Variants in FAM222B observed in about 807,000 individuals in gnomAD.
FAM222B encodes protein FAM222B.
A neutral mutation model predicts 38.0 loss-of-function variants in FAM222B; 12 were observed. That is an observed-to-expected ratio of 0.32 (90% confidence interval 0.20 to 0.51). The LOEUF is 0.51. Among genes scored for constraint, FAM222B ranks in the 20% least tolerant of loss-of-function variants. FAM222B has a pLI of 0.97. For synonymous variants in FAM222B, 329 were observed against 317.2 expected (o/e 1.04, Z -0.40); for missense variants, 716 against 754.2 (o/e 0.95, Z 0.59).
chr17:28,778,274 T>C (rs1272077174), intron 1 of FAM222B, among the ~76,000 whole-genome samples: 1 of 151,830 alleles, frequency 6.6e-6, no homozygotes, highest in East Asian at 1.9e-4. Flanking sequence ...CGACAGGTCC[T>C]GGTATATGAT....
intron 1 of FAM222B, among the ~76,000 whole-genome samples, chr17:28,812,662 A>G (rs967843800): frequency 3.3e-5 from 5 of 151,420 alleles, no homozygotes; most frequent in East Asian, 2.0e-4. Context: ...CGCTGCCCCC[A>G]TCTCTCCCGG....
intron 1 of FAM222B, among the ~76,000 whole-genome samples, chr17:28,850,803 C>A (rs528637576): frequency 1.3e-5 from 2 of 152,180 alleles, no homozygotes; most frequent in South Asian, 4.1e-4. Context: ...TGAACAGGTT[C>A]TTTCTATAAA....
intron 1 of FAM222B, among the ~76,000 whole-genome samples, chr17:28,789,773 T>TATA (rs2036583078): frequency 6.6e-6 from 1 of 152,228 alleles, no homozygotes; most frequent in South Asian, 2.1e-4. Context: ...ATGAGTCTAA[T>TATA]ATATCTTATT....
chr17:28,824,205 G>A (rs1298133068), intron 1 of FAM222B, among the ~76,000 whole-genome samples: 4 of 144,838 alleles, frequency 2.8e-5, no homozygotes, highest in Non-Finnish European at 6.0e-5. Flanking sequence ...TTTAATTTTA[G>A]ACAAGTTATC....
chr17:28,758,258 C>T lies in FAM222B; in HGVS notation c.*12G>A. 2.6e-6 allele frequency: 4 copies of T among 1,548,128 alleles called. No individual in the cohort carries two copies. The highest frequency in any genetic ancestry group is 1.8e-4 in the Middle Eastern group (1 of 5,698). On this transcript the variant is annotated 3_prime_UTR_variant, in exon 3 of 3. Coordinates refer to ENST00000581407, the MANE Select transcript of FAM222B (RefSeq NM_001077498.3). Reference sequence around the variant, plus strand: ...TGTATGATGTGTTGCACGTGGAGGGCAGCAGGGCTACCTATCTATACCCTG... The same window carrying T: ...TGTATGATGTGTTGCACGTGGAGGGTAGCAGGGCTACCTATCTATACCCTG...
At chr17:28,824,912 T>C (rs1669927879) in intron 1 of FAM222B, among the ~76,000 whole-genome samples, 1 of 152,076 alleles carries the variant, frequency 6.6e-6, no homozygotes, top group Non-Finnish European at 1.5e-5. Flanking sequence ...ATTACAGGCA[T>C]GTGCCACCAC....
At chr17:28,799,361 G>A (rs1156295031) in intron 1 of FAM222B, among the ~76,000 whole-genome samples, 1 of 144,894 alleles carries the variant, frequency 6.9e-6, no homozygotes, top group Non-Finnish European at 1.5e-5. Flanking sequence ...GCAGTGGTGC[G>A]ATCTCAACTC....
intron 1 of FAM222B, among the ~76,000 whole-genome samples, chr17:28,851,811 G>T (rs2039183029): frequency 6.6e-6 from 1 of 150,660 alleles, no homozygotes; most frequent in South Asian, 2.1e-4. Flanking sequence ...GGAGGTGGAG[G>T]TTGCAGTGAG....
intron 1 of FAM222B, among the ~76,000 whole-genome samples, chr17:28,848,578 G>C (rs1179730583): frequency 6.6e-6 from 1 of 151,850 alleles, no homozygotes; most frequent in Non-Finnish European, 1.5e-5. Flanking sequence ...GGCCAAGGTG[G>C]TGAAAGTGTG....
chr17:28,785,694 C>A (rs1405384891), intron 1 of FAM222B, among the ~76,000 whole-genome samples: 1 of 151,830 alleles, frequency 6.6e-6, no homozygotes, highest in Non-Finnish European at 1.5e-5. Context: ...TGCCACCATG[C>A]CCGGCTATTT....
At chr17:28,794,546 AT>A (rs899285646) in intron 1 of FAM222B, among the ~76,000 whole-genome samples, 2 of 152,014 alleles carry the variant, frequency 1.3e-5, no homozygotes, top group Admixed American at 1.3e-4. Context: ...AAGAGATAAG[AT>A]TTTGCTTATA....
chr17:28,804,162 C>A (rs1421681657), intron 1 of FAM222B, among the ~76,000 whole-genome samples: 1 of 152,122 alleles, frequency 6.6e-6, no homozygotes, highest in African/African-American at 2.4e-5. Flanking sequence ...GCAATCAGAG[C>A]TCCTAGTTCT....
intron 2 of FAM222B, among the ~76,000 whole-genome samples, chr17:28,765,884 G>A (rs1222611367): frequency 6.6e-6 from 1 of 152,122 alleles, no homozygotes; most frequent in Non-Finnish European, 1.5e-5. Context: ...GACTCAGAAG[G>A]CAGGTAGCAA....
At chr17:28,820,978 A>G (rs2060423423) in intron 1 of FAM222B, among the ~76,000 whole-genome samples, 2 of 138,462 alleles carry the variant, frequency 1.4e-5, no homozygotes, top group South Asian at 2.4e-4. Flanking sequence ...TTTTTTTGAG[A>G]TGGACTCTCG....
At chr17:28,833,005 C>G (rs1199098861) in intron 1 of FAM222B, among the ~76,000 whole-genome samples, 1 of 117,172 alleles carries the variant, frequency 8.5e-6, no homozygotes, top group East Asian at 2.6e-4. Flanking sequence ...GACTCTGTCT[C>G]TATTAAAAAA....
intron 1 of FAM222B, among the ~76,000 whole-genome samples, chr17:28,773,733 G>A (rs1357333377): frequency 1.3e-5 from 2 of 151,912 alleles, no homozygotes. Flanking sequence ...AGAAGGCGGA[G>A]GTTGCAGTGA....
chr17:28,780,097 G>C (rs2036100375), intron 1 of FAM222B, among the ~76,000 whole-genome samples: 1 of 151,760 alleles, frequency 6.6e-6, no homozygotes, highest in Non-Finnish European at 1.5e-5. Flanking sequence ...TCAGCCTCCT[G>C]GGTAGGTGGG....
At chr17:28,853,931 ATC>A (rs573008692) in intron 1 of FAM222B, among the ~76,000 whole-genome samples, 97 of 142,606 alleles carry the variant, frequency 6.8e-4, no homozygotes, top group Middle Eastern at 3.7e-3. Context: ...ACCAAAGTTT[ATC>A]TCTGTTTCTT....
In FAM222B at chr17:28,821,098, G is replaced by A. The variant is rs1402393911; in HGVS notation, c.-41+21584C>T. On this transcript the variant is annotated intron_variant, in intron 1 of 2. Coordinates refer to ENST00000581407, the MANE Select transcript of FAM222B (RefSeq NM_001077498.3). Reference sequence around the variant, plus strand: ...AGTCTCCCAAGTAGCTGGGACTACAGGCACGCGCCACCACACCCAGCTAAT... The same window carrying A: ...AGTCTCCCAAGTAGCTGGGACTACAAGCACGCGCCACCACACCCAGCTAAT... Among the ~76,000 whole-genome samples, 4 of 151,930 alleles carry A rather than the reference G, an allele frequency of 2.6e-5. No individual in the cohort carries two copies. In the South Asian group the frequency reaches 8.3e-4, roughly 32 times the overall value.
Sources: allele counts gnomAD v4.1 joint callset (sites outside exome capture counted in the v4.1 genomes callset), GRCh38; gene constraint gnomAD v4.1.1; transcripts MANE v1.5; gene names NCBI Gene and HGNC (gene_info 2026-07-23, HGNC 2026-07-21).